Variants in BMAL2 observed in about 807,000 individuals in gnomAD.
The protein encoded by BMAL2 is basic helix-loop-helix ARNT like 2.
chr12:27,368,207 CA>C, the BMAL2 span: 3 of 1,593,628 alleles, frequency 1.9e-6, no homozygotes, highest in South Asian at 1.1e-5. Context: ...TGGATATGTA[CA>C]AAGTAAAAGT....
the BMAL2 span, among the ~76,000 whole-genome samples, chr12:27,359,424 C>T: frequency 1.3e-5 from 2 of 152,204 alleles, no homozygotes; most frequent in East Asian, 1.9e-4. Context: ...CATGGTGGCT[C>T]ATGCCTATAT....
chr12:27,371,743 AATAAC>A, the BMAL2 span, among the ~76,000 whole-genome samples: 1 of 151,768 alleles, frequency 6.6e-6, no homozygotes, highest in Non-Finnish European at 1.5e-5. Context: ...TATATATATA[AATAAC>A]ATGAAATTTG....
At chr12:27,386,229 G>T in the BMAL2 span, among the ~76,000 whole-genome samples, 1 of 152,200 alleles carries the variant, frequency 6.6e-6, no homozygotes, top group Admixed American at 6.5e-5. Flanking sequence ...AAAGGATATT[G>T]TGTGGATAAA....
the BMAL2 span, among the ~76,000 whole-genome samples, chr12:27,416,235 G>A: frequency 0.75 from 113,116 of 151,648 alleles, 42,570 homozygotes; most frequent in Middle Eastern, 0.9. Flanking sequence ...GAATAATAAT[G>A]TCACTGATTT....
At chr12:27,371,677 C>G in the BMAL2 span, among the ~76,000 whole-genome samples, 1 of 151,782 alleles carries the variant, frequency 6.6e-6, no homozygotes, top group Non-Finnish European at 1.5e-5. Flanking sequence ...GAATTCATTG[C>G]CTCTGCACTT....
chr12:27,351,627 G>C, the BMAL2 span, among the ~76,000 whole-genome samples: 6 of 152,172 alleles, frequency 3.9e-5, no homozygotes, highest in Admixed American at 3.9e-4. Flanking sequence ...GACAGCCCCT[G>C]TTCCCCAGAG....
chr12:27,354,806 T>A, the BMAL2 span, among the ~76,000 whole-genome samples: 1 of 152,232 alleles, frequency 6.6e-6, no homozygotes, highest in East Asian at 1.9e-4. Context: ...ATTCAACCTG[T>A]ACCAGTTTTC....
the BMAL2 span, chr12:27,401,369 T>G: frequency 6.2e-7 from 1 of 1,605,842 alleles, no homozygotes; most frequent in Admixed American, 1.7e-5. Context: ...AGCAGGTAGG[T>G]ATGCATTGAG....
At chr12:27,397,628 T>A in the BMAL2 span, among the ~76,000 whole-genome samples, 31 of 152,348 alleles carry the variant, frequency 2.0e-4, no homozygotes, top group Admixed American at 1.1e-3. Context: ...AAAGATTTTT[T>A]AAAAATAACA....
the BMAL2 span, among the ~76,000 whole-genome samples, chr12:27,371,595 A>G: frequency 1.3e-5 from 2 of 152,208 alleles, no homozygotes; most frequent in African/African-American, 2.4e-5. Flanking sequence ...TCTGAAAACT[A>G]TCTTGAATGC....
At chr12:27,406,988 G>A in the BMAL2 span, among the ~76,000 whole-genome samples, 1 of 152,030 alleles carries the variant, frequency 6.6e-6, no homozygotes. Flanking sequence ...GATCAAAAGA[G>A]ACAAAGAAGG....
chr12:27,378,737 A>C, the BMAL2 span, among the ~76,000 whole-genome samples: 1 of 152,220 alleles, frequency 6.6e-6, no homozygotes, highest in Non-Finnish European at 1.5e-5. Context: ...TAATTTTGGA[A>C]GTCATAGAAT....
the BMAL2 span, among the ~76,000 whole-genome samples, chr12:27,399,617 A>G: frequency 6.6e-6 from 1 of 152,250 alleles, no homozygotes; most frequent in Non-Finnish European, 1.5e-5. Flanking sequence ...AGTTCATATC[A>G]TGTTCTATTT....
the BMAL2 span, among the ~76,000 whole-genome samples, chr12:27,388,448 C>A: frequency 6.6e-6 from 1 of 152,044 alleles, no homozygotes; most frequent in South Asian, 2.1e-4. Flanking sequence ...TTGGGTAATA[C>A]AGGAATTCAG....
the BMAL2 span, chr12:27,387,373 A>C: frequency 1.6e-6 from 2 of 1,271,956 alleles, no homozygotes; most frequent in East Asian, 2.3e-5. Context: ...TTGAACAAAC[A>C]CATATTTTTA....
the BMAL2 span, among the ~76,000 whole-genome samples, chr12:27,343,740 G>C: frequency 1.2e-4 from 19 of 152,140 alleles, no homozygotes; most frequent in Admixed American, 1.2e-3. Context: ...ATGAACTGTG[G>C]TTTCTTGCTT....
chr12:27,346,489 C>T, the BMAL2 span, among the ~76,000 whole-genome samples: 3 of 152,178 alleles, frequency 2.0e-5, no homozygotes, highest in African/African-American at 7.2e-5. Context: ...TCTCGAACTC[C>T]TGACCTCAGG....
chr12:27,333,460 G>A, the BMAL2 span, among the ~76,000 whole-genome samples: 1 of 152,246 alleles, frequency 6.6e-6, no homozygotes, highest in Non-Finnish European at 1.5e-5. Flanking sequence ...ACCCACTGCT[G>A]GGCGCCCGCG....
At chr12:27,382,088 C>T in the BMAL2 span, among the ~76,000 whole-genome samples, 1 of 152,196 alleles carries the variant, frequency 6.6e-6, no homozygotes, top group South Asian at 2.1e-4. Context: ...GATGGGAGAT[C>T]TTATTTTCAT....
Sources: gnomAD v4.1 joint callset for allele counts (sites outside exome capture counted in the v4.1 genomes callset) on GRCh38, gnomAD v4.1.1 for gene constraint, MANE v1.5 for transcripts, NCBI Gene and HGNC (gene_info 2026-07-23, HGNC 2026-07-21) for gene names.